The following UGT1A4 variants were observed in gnomAD, a reference collection of about 807,000 sequenced individuals.
UGT1A4 encodes the protein UDP glucuronosyltransferase family 1 member A4.
In UGT1A4, 32 loss-of-function variants were observed where a neutral mutation model predicts 41.1. The observed-to-expected ratio is 0.78, with a 90% CI of 0.59 to 1.05. UGT1A4 has a LOEUF of 1.05. UGT1A4 is among the 50% of genes least tolerant of loss of function. The pLI, the probability that UGT1A4 is intolerant of heterozygous loss-of-function variation, is 0.00. For missense variants in UGT1A4, 748 were observed against 677.4 expected (o/e 1.10, Z -1.16); for synonymous variants, 283 against 265.1 (o/e 1.07, Z -0.66).
intron 1 of UGT1A4, among the ~76,000 whole-genome samples, chr2:233,736,830 T>C (rs917006233): frequency 6.6e-6 from 1 of 152,234 alleles, no homozygotes; most frequent in African/African-American, 2.4e-5. Flanking sequence ...TGCTCTTTGC[T>C]TTGGTATCAC....
chr2:233,767,766 CT>C, intron 2 of UGT1A4, 82 bp from the exon 3 acceptor site: 1 of 1,609,200 alleles, frequency 6.2e-7, no homozygotes, highest in South Asian at 1.1e-5. Flanking sequence ...CAGAGGACCC[CT>C]GTTTTCTAGT....
intron 1 of UGT1A4, among the ~76,000 whole-genome samples, chr2:233,734,247 T>A (rs1242167028): frequency 6.6e-6 from 1 of 152,226 alleles, no homozygotes; most frequent in Non-Finnish European, 1.5e-5. Flanking sequence ...CCTGCTTTAG[T>A]CTTGGGAGGG....
rs1014873450 is a variant in UGT1A4, at chr2:233,765,562, T to G, written c.868-1472T>G. Among the ~76,000 whole-genome samples, 9 of 151,822 alleles carry G rather than the reference T, an allele frequency of 5.9e-5. No homozygotes were observed. In the East Asian group the frequency reaches 1.7e-3, roughly 29 times the overall value. Reference sequence around the variant, plus strand: ...ATAAGTGGGAGTTGAACAGTGAGAATGCGTAGACGCAGGGAGGGGAACAAC... The same window carrying G: ...ATAAGTGGGAGTTGAACAGTGAGAAGGCGTAGACGCAGGGAGGGGAACAAC... On this transcript the variant is annotated intron_variant, in intron 1 of 4. Transcript: ENST00000373409.
chr2:233,760,393 G>A lies in UGT1A4; in HGVS notation c.868-6641G>A, dbSNP rs1697429657. The A allele has an allele frequency of 4.3e-6, 7 of 1,614,206 alleles. No homozygotes were observed. In the South Asian group the frequency reaches 5.5e-5, roughly 13 times the overall value. On this transcript the variant is annotated intron_variant, in intron 1 of 4. Transcript: ENST00000373409. The stretch of plus-strand genomic sequence containing the variant: ...TGGGAAGATACTGTTGATCCCAGTG[G>A]ATGGCAGCCACTGGCTGAGCATGCT...
chr2:233,747,983 C>T (rs539831908), intron 1 of UGT1A4: 1 of 1,613,300 alleles, frequency 6.2e-7, no homozygotes, highest in Non-Finnish European at 8.5e-7. Flanking sequence ...TGTGGCTGTT[C>T]CGAGGGGACT....
intron 1 of UGT1A4, among the ~76,000 whole-genome samples, chr2:233,725,186 A>G (rs1269507172): frequency 2.2e-4 from 19 of 86,472 alleles, no homozygotes; most frequent in Admixed American, 2.0e-4. Context: ...GGGGAGAGGC[A>G]GAGGCAGAGG....
intron 1 of UGT1A4, among the ~76,000 whole-genome samples, chr2:233,762,481 T>G (rs948381917): frequency 6.6e-6 from 1 of 152,238 alleles, no homozygotes. Flanking sequence ...ATCACTCCAG[T>G]TTTAAATGCT....
Position 233,769,738 on chromosome 2 carries a change from C to G in UGT1A4, c.1307+1299C>G. 1 of 1,454,300 alleles carries G rather than the reference C, an allele frequency of 6.9e-7. No individual in the cohort carries two copies. The highest frequency in any genetic ancestry group is 9.1e-7 in the Non-Finnish European group (1 of 1,102,384). The allele number at this position is 1,454,300 out of a possible 1,614,324, so 90.1% of individuals were successfully genotyped here. On this transcript the variant is annotated intron_variant, in intron 4 of 4. Transcript: ENST00000373409. The surrounding 1 kb of genome is among the most constrained non-coding windows in gnomAD (Gnocchi z 4.4). ...GGCACCATGGCACACGCCTGTAGTC[C>G]CAGCCACTCTGGAGGCTAAGGCGGG...
Position 233,730,172 on chromosome 2 carries a change from A to T in UGT1A4, c.867+10485A>T, listed in dbSNP as rs45486905. On this transcript the variant is annotated intron_variant, in intron 1 of 4. Coordinates refer to ENST00000373409, the MANE Select transcript of UGT1A4 (RefSeq NM_007120.3). ...TAAGGGGTCTCTAGTAGCGTATTTCAGGTTTTAAATGGTCACTGAGAGGAA... is the reference window on the plus strand; with the variant it reads ...TAAGGGGTCTCTAGTAGCGTATTTCTGGTTTTAAATGGTCACTGAGAGGAA... Among the ~76,000 whole-genome samples the T allele has an allele frequency of 6.6e-5, 10 of 152,342 alleles. No homozygotes were observed. In the East Asian group the frequency reaches 1.9e-3, roughly 29 times the overall value.
intron 1 of UGT1A4, among the ~76,000 whole-genome samples, chr2:233,764,017 G>T (rs3771342): frequency 0.13 from 19,852 of 152,188 alleles, 1,421 homozygotes; most frequent in East Asian, 0.2. Flanking sequence ...GACCCACATG[G>T]TGTCTAAGTG....
At chr2:233,719,756 C>A in intron 1 of UGT1A4, 69 bp downstream of exon 1, 2 of 1,612,434 alleles carry the variant, frequency 1.2e-6, no homozygotes, top group Non-Finnish European at 1.7e-6. Context: ...TATTTACTTA[C>A]AAGTGCTTCC....
intron 1 of UGT1A4, among the ~76,000 whole-genome samples, chr2:233,758,825 C>CA: frequency 6.6e-6 from 1 of 152,232 alleles, no homozygotes. Flanking sequence ...ATATCCCCCC[C>CA]AAAAAGAGTG....
intron 1 of UGT1A4, among the ~76,000 whole-genome samples, chr2:233,765,679 C>T (rs750579921): frequency 2.7e-5 from 4 of 150,004 alleles, no homozygotes; most frequent in Non-Finnish European, 4.4e-5. Flanking sequence ...CATATGTATC[C>T]CAGAACTTCA....
chr2:233,760,714 A>G, intron 1 of UGT1A4: 1 of 1,614,210 alleles, frequency 6.2e-7, no homozygotes, highest in Non-Finnish European at 8.5e-7. Flanking sequence ...CCTGGCAGAA[A>G]GCAGCTTTGA....
intron 4 of UGT1A4, chr2:233,771,470 T>C (rs1389058308): frequency 2.0e-5 from 3 of 152,260 alleles, no homozygotes; most frequent in African/African-American, 7.2e-5. Context: ...TCATGCTAAA[T>C]CTAGCACCCA....
At chr2:233,724,345 C>CT (rs2077231135) in intron 1 of UGT1A4, among the ~76,000 whole-genome samples, 1 of 148,054 alleles carries the variant, frequency 6.8e-6, no homozygotes, top group African/African-American at 2.5e-5. Context: ...GGCTGACCCC[C>CT]CCCACCTCCC....
At chr2:233,754,712 G>A (rs1446965337) in intron 1 of UGT1A4, 3 of 540,884 alleles carry the variant, frequency 5.5e-6, no homozygotes, top group East Asian at 1.4e-4. Context: ...TGGACTTGAA[G>A]CTGCCTGTCC....
chr2:233,745,019 T>C (rs1692990004), intron 1 of UGT1A4, among the ~76,000 whole-genome samples: 1 of 151,908 alleles, frequency 6.6e-6, no homozygotes, highest in Non-Finnish European at 1.5e-5. Context: ...ATGTAAATGC[T>C]ATGTAAATAG....
chr2:233,734,725 G>A (rs549781531), intron 1 of UGT1A4, among the ~76,000 whole-genome samples: 6 of 150,570 alleles, frequency 4.0e-5, no homozygotes, highest in East Asian at 2.0e-4. Flanking sequence ...CTTTGTTCTC[G>A]TCGGTTTCAA....
Sources: allele counts gnomAD v4.1 joint callset (sites outside exome capture counted in the v4.1 genomes callset), GRCh38; gene constraint gnomAD v4.1.1; non-coding constraint Gnocchi (gnomAD v3.1); transcripts MANE v1.5; gene names NCBI Gene and HGNC (gene_info 2026-07-23, HGNC 2026-07-21).